The following SETBP1 variants were observed in gnomAD, a reference collection of about 807,000 sequenced individuals.
SETBP1 encodes the protein SET-binding protein.
A neutral mutation model predicts 101.0 loss-of-function variants in SETBP1; 9 were observed. The ratio of observed to expected loss-of-function variants is 0.09; its 90% CI spans 0.05 to 0.16. The LOEUF is 0.16. Ranked by LOEUF, SETBP1 falls within the 10% of genes least tolerant of loss-of-function variation. The pLI is 1.00. For synonymous variants in SETBP1, 818 were observed against 788.5 expected, an observed-to-expected ratio of 1.04 and a Z score of -0.63; for missense variants, 1,858 against 2,033.8, an observed-to-expected ratio of 0.91 and a Z score of 1.66.
At chr18:44,792,518 A>G (rs989185731) in intron 2 of SETBP1, among the ~76,000 whole-genome samples, 2 of 152,194 alleles carry the variant, frequency 1.3e-5, no homozygotes, top group African/African-American at 4.8e-5. Context: ...GAGCCAGCAT[A>G]GGGTAGTTGC....
At chr18:44,777,162 A>T (rs1040148950) in intron 2 of SETBP1, among the ~76,000 whole-genome samples, 3 of 152,132 alleles carry the variant, frequency 2.0e-5, no homozygotes, top group Non-Finnish European at 2.9e-5. Flanking sequence ...ACAAAAAATT[A>T]AAAAATTAGC....
At chr18:44,810,461 T>C (rs2071837790) in intron 2 of SETBP1, among the ~76,000 whole-genome samples, 1 of 152,216 alleles carries the variant, frequency 6.6e-6, no homozygotes, top group African/African-American at 2.4e-5. Context: ...AATGCCTCTT[T>C]CCTTTTTATG....
intron 5 of SETBP1, among the ~76,000 whole-genome samples, chr18:45,059,605 C>G (rs561807250): frequency 8.5e-5 from 13 of 152,282 alleles, no homozygotes; most frequent in African/African-American, 3.1e-4. Context: ...CTCTGTAGTT[C>G]AAGGTAGTTA....
intron 2 of SETBP1, among the ~76,000 whole-genome samples, chr18:44,824,886 G>A (rs931754799): frequency 1.3e-5 from 2 of 152,230 alleles, no homozygotes; most frequent in Admixed American, 6.5e-5. Context: ...AAATCCTGAA[G>A]CAGGAAGATA....
chr18:44,758,571 A>G (rs2070558842), intron 2 of SETBP1, among the ~76,000 whole-genome samples: 1 of 151,720 alleles, frequency 6.6e-6, no homozygotes, highest in African/African-American at 2.4e-5. Flanking sequence ...TTTAGTAAAG[A>G]GGGGGTTTCA....
chr18:44,854,431 A>G (rs1347856074), intron 2 of SETBP1, among the ~76,000 whole-genome samples: 1 of 152,174 alleles, frequency 6.6e-6, no homozygotes, highest in African/African-American at 2.4e-5. Context: ...TCCTTCCCTA[A>G]GACATCCTCA....
intron 2 of SETBP1, among the ~76,000 whole-genome samples, chr18:44,741,347 G>A (rs1185471033): frequency 6.6e-6 from 1 of 152,158 alleles, no homozygotes; most frequent in Non-Finnish European, 1.5e-5. Flanking sequence ...AGATTGCCTG[G>A]GGGTGGGGAT....
intron 2 of SETBP1, among the ~76,000 whole-genome samples, chr18:44,773,860 G>GTGTGTGTGTGTGTGTA (rs1396805542): frequency 1.3e-5 from 2 of 151,550 alleles, no homozygotes; most frequent in African/African-American, 4.9e-5. Context: ...GTGTGTGTGT[G>GTGTGTGTGTGTGTGTA]TGTGTGTGTG....
chr18:44,965,222 T>C (rs575322681), intron 4 of SETBP1, among the ~76,000 whole-genome samples: 3 of 152,068 alleles, frequency 2.0e-5, no homozygotes, highest in South Asian at 2.1e-4. Flanking sequence ...AGCCAGTTTC[T>C]TTTACAATTA....
At chr18:44,876,697 G>T (rs373605652) in intron 3 of SETBP1, 1 of 1,503,956 alleles carries the variant, frequency 6.6e-7, no homozygotes, top group South Asian at 1.2e-5. Flanking sequence ...CGCAAAACCC[G>T]GTTCTCTCAC....
At chr18:45,054,482 A>ATTTATAAGTG (rs1850155509) in intron 5 of SETBP1, among the ~76,000 whole-genome samples, 1 of 152,140 alleles carries the variant, frequency 6.6e-6, no homozygotes, top group African/African-American at 2.4e-5. Flanking sequence ...CACCGTGCCC[A>ATTTATAAGTG]GCTGACTATT....
chr18:45,018,936 A>T (rs1380809080), intron 4 of SETBP1, among the ~76,000 whole-genome samples: 3 of 152,178 alleles, frequency 2.0e-5, no homozygotes, highest in African/African-American at 7.2e-5. Context: ...AACCTAGGAC[A>T]ATGGAGAGGA....
intron 2 of SETBP1, among the ~76,000 whole-genome samples, chr18:44,737,944 T>C (rs1213183243): frequency 1.3e-5 from 2 of 152,250 alleles, no homozygotes; most frequent in Non-Finnish European, 2.9e-5. Flanking sequence ...GCCATGTCAC[T>C]ATTTTGATAG....
chr18:44,946,708 T>A (rs1195120653), intron 3 of SETBP1, among the ~76,000 whole-genome samples: 2 of 152,188 alleles, frequency 1.3e-5, no homozygotes, highest in Non-Finnish European at 2.9e-5. Flanking sequence ...CAAGCACTTA[T>A]CGAGAGCTTT....
chr18:45,029,599 G>C (rs1326782790), intron 4 of SETBP1, among the ~76,000 whole-genome samples: 6 of 152,074 alleles, frequency 3.9e-5, no homozygotes, highest in Non-Finnish European at 7.4e-5. Flanking sequence ...AAATTACCTT[G>C]GGCAGTATGG....
At chr18:44,947,782 G>GGC (rs1220804688) in intron 3 of SETBP1, among the ~76,000 whole-genome samples, 3 of 152,126 alleles carry the variant, frequency 2.0e-5, no homozygotes, top group African/African-American at 7.2e-5. Flanking sequence ...TGGAACTACA[G>GGC]GCGTGAGCCA....
intron 4 of SETBP1, among the ~76,000 whole-genome samples, chr18:45,024,282 C>T (rs1164951161): frequency 1.3e-5 from 2 of 152,130 alleles, no homozygotes; most frequent in Non-Finnish European, 2.9e-5. Context: ...GATGCCAGTT[C>T]AGAATCAAAA....
chr18:44,695,093 G>C (rs559749347), intron 1 of SETBP1, among the ~76,000 whole-genome samples: 4 of 152,128 alleles, frequency 2.6e-5, no homozygotes, highest in Admixed American at 2.6e-4. Context: ...GAATCAAATT[G>C]GTATTATGGA....
At chr18:44,806,623 CTTTTTTTTTTTTTTTTTTTTTTTTTT>C (rs71177656) in intron 2 of SETBP1, among the ~76,000 whole-genome samples, 12 of 27,786 alleles carry the variant, frequency 4.3e-4, no homozygotes, top group South Asian at 2.9e-3. Flanking sequence ...TAATGAGCTC[CTTTTTTTTTTTTTTTTTTTTTTTTTT>C]TTTTTTTTTT....
Sources: gnomAD v4.1 joint callset for allele counts (sites outside exome capture counted in the v4.1 genomes callset) on GRCh38, gnomAD v4.1.1 for gene constraint, MANE v1.5 for transcripts, NCBI Gene and HGNC (gene_info 2026-07-23, HGNC 2026-07-21) for gene names.